Variants in LPIN1 observed in about 807,000 individuals in gnomAD.
The protein encoded by LPIN1 is phosphatidate phosphatase LPIN1.
LPIN1 carries 71 observed loss-of-function variants against 107.5 expected under a neutral mutation model. The ratio of observed to expected loss-of-function variants is 0.66; its 90% confidence interval spans 0.55 to 0.80. The LOEUF is 0.80. Ranked by LOEUF, LPIN1 falls within the 30% of genes least tolerant of loss-of-function variation. The pLI, the probability that LPIN1 is intolerant of heterozygous loss-of-function variation, is 0.00. For synonymous variants in LPIN1, 445 were observed against 452.6 expected (o/e 0.98, Z 0.21); for missense variants, 1,043 against 1,160.6 (o/e 0.90, Z 1.47).
intron 17 of LPIN1, among the ~76,000 whole-genome samples, chr2:11,806,005 C>T (rs1366420881): frequency 1.3e-5 from 2 of 152,202 alleles, no homozygotes; most frequent in African/African-American, 4.8e-5. Context: ...AAATCTCCCC[C>T]TCCACAGCAT....
At position 11,746,644 on chromosome 2, in the gene LPIN1, C is replaced by G. The variant is rs927861688; in HGVS notation, c.-37C>G. Reference sequence around the variant, plus strand: ...GGCGGCGGGCTGGGTGTTTGCAATACAAAGGCGGCCACGCGCGGCGCCGCT... The same window carrying G: ...GGCGGCGGGCTGGGTGTTTGCAATAGAAAGGCGGCCACGCGCGGCGCCGCT... On this transcript the variant is annotated 5_prime_UTR_variant, in exon 1 of 21. Coordinates refer to ENST00000674199, the MANE Select transcript of LPIN1 (RefSeq NM_001349206.2). 3.1e-5 allele frequency: 31 copies of G among 985,228 alleles called. No homozygotes were observed. The highest frequency in any genetic ancestry group is 3.6e-5 in the Non-Finnish European group (30 of 829,908). 61.0% of individuals were successfully genotyped at this position (985,228 alleles called of 1,614,324 possible).
intron 1 of LPIN1, among the ~76,000 whole-genome samples, chr2:11,731,942 T>A (rs111992763): frequency 4.6e-5 from 7 of 152,258 alleles, no homozygotes; most frequent in African/African-American, 1.7e-4. Flanking sequence ...TGCTTGTAAA[T>A]TTGTTTAAGT....
At chr2:11,778,645 C>T (rs145105843) in intron 6 of LPIN1, among the ~76,000 whole-genome samples, 12 of 152,300 alleles carry the variant, frequency 7.9e-5, no homozygotes, top group African/African-American at 2.9e-4. Flanking sequence ...AACCCTGCCG[C>T]CTTCCTCTAG....
chr2:11,700,452 TTCTC>T (rs796098266), intron 1 of LPIN1, among the ~76,000 whole-genome samples: 2 of 151,484 alleles, frequency 1.3e-5, no homozygotes, highest in East Asian at 3.9e-4. Flanking sequence ...ATTTCTCATT[TTCTC>T]TCTCTCTCTC....
intron 1 of LPIN1, among the ~76,000 whole-genome samples, chr2:11,739,942 T>C (rs1666170692): frequency 6.6e-6 from 1 of 152,200 alleles, no homozygotes; most frequent in Admixed American, 6.5e-5. Context: ...GAGATATAGA[T>C]AAATGAGAGG....
At chr2:11,777,461 T>G (rs1204699300) in intron 6 of LPIN1, 1 of 152,202 alleles carries the variant, frequency 6.6e-6, no homozygotes, top group Admixed American at 6.5e-5. Flanking sequence ...TGTTAGGAAC[T>G]CTGGAGTTGG....
chr2:11,778,037 C>T (rs1375172338), intron 6 of LPIN1, among the ~76,000 whole-genome samples: 4 of 152,188 alleles, frequency 2.6e-5, no homozygotes, highest in African/African-American at 9.6e-5. Context: ...TGACTGTAGA[C>T]GCTTCAGTGC....
At position 11,771,707 on chromosome 2, in the gene LPIN1, G is replaced by A. The variant is rs1271123342; in HGVS notation, c.596+28G>A. On this transcript the variant is annotated intron_variant, in intron 4 of 20. Coordinates refer to ENST00000674199, the MANE Select transcript of LPIN1 (RefSeq NM_001349206.2). This position sits in a 1 kb window ranked among gnomAD's most constrained non-coding sequence, Gnocchi z 4.8. ...AATAACTGTCCAGGGTGGAGGGGCT[G>A]TGCCAGAATCAGACAGTTAACTGTT... is the stretch of plus-strand genomic sequence containing the variant. The A allele has an allele frequency of 6.4e-7, 1 of 1,561,032 alleles. No individual in the cohort carries two copies. Among genetic ancestry groups the A allele is most frequent in the Non-Finnish European group, 8.7e-7 (1 of 1,149,790 alleles).
chr2:11,819,476 T>G lies in LPIN1; in HGVS notation c.2403-8T>G, dbSNP rs371725918. The stretch of plus-strand genomic sequence containing the variant: ...CTCATGTTAATCTGTTATTTATTTG[T>G]TTAACAGAGAAGTGATTGAAAAGAA... On this transcript the variant is annotated splice_region_variant and splice_polypyrimidine_tract_variant and intron_variant, in intron 18 of 20. Transcript: ENST00000674199. The G allele has an allele frequency of 6.5e-7, 1 of 1,532,500 alleles. No individual in the cohort carries two copies. Among genetic ancestry groups the G allele is most frequent in the Non-Finnish European group, 9.0e-7 (1 of 1,105,316 alleles). The allele number at this position is 1,532,500 out of a possible 1,614,324, so 94.9% of individuals were successfully genotyped here. A position where few individuals can be genotyped will look rare whatever the true frequency, so the allele number is the denominator to read the frequency against.
At chr2:11,801,950 A>T (rs1251591594) in intron 14 of LPIN1, among the ~76,000 whole-genome samples, 1 of 152,206 alleles carries the variant, frequency 6.6e-6, no homozygotes, top group East Asian at 1.9e-4. Flanking sequence ...ACAGTAAAAA[A>T]AAAATAAGCT....
At chr2:11,779,752 G>T in intron 7 of LPIN1, 107 bp downstream of exon 7, 1 of 1,385,124 alleles carries the variant, frequency 7.2e-7, no homozygotes, top group Admixed American at 1.8e-5. Context: ...CCAGGAGCCA[G>T]AGGTAAACCA....
At chr2:11,824,459 T>G (rs903585275) in intron 20 of LPIN1, among the ~76,000 whole-genome samples, 173 bp from the exon 21 acceptor site, 37 of 151,916 alleles carry the variant, frequency 2.4e-4, no homozygotes, top group African/African-American at 8.9e-4. Flanking sequence ...CTCTTCATTT[T>G]CATCTCTCAT....
intron 1 of LPIN1, among the ~76,000 whole-genome samples, chr2:11,706,887 G>A (rs80213177): frequency 0.042 from 6,401 of 152,236 alleles, 461 homozygotes; most frequent in African/African-American, 0.15. Context: ...AGGTTTCTGG[G>A]TGAATGTGCA....
chr2:11,821,366 A>G (rs78997802), intron 20 of LPIN1, among the ~76,000 whole-genome samples: 1 of 152,078 alleles, frequency 6.6e-6, no homozygotes, highest in Non-Finnish European at 1.5e-5. Context: ...AAAATAGAAA[A>G]ATTAGCCAGG....
chr2:11,772,230 G>A (rs547123478), intron 4 of LPIN1, among the ~76,000 whole-genome samples: 26 of 152,294 alleles, frequency 1.7e-4, no homozygotes, highest in African/African-American at 5.5e-4. Flanking sequence ...CTTGCCCGCC[G>A]CTCACCTCCT....
chr2:11,740,156 G>A (rs1666194555), intron 1 of LPIN1, among the ~76,000 whole-genome samples: 2 of 152,164 alleles, frequency 1.3e-5, no homozygotes, highest in Admixed American at 6.5e-5. Flanking sequence ...GCGGGAGAAG[G>A]AGGGTGTCCC....
chr2:11,790,016 C>T (rs1017082574), intron 12 of LPIN1, among the ~76,000 whole-genome samples: 5 of 152,104 alleles, frequency 3.3e-5, no homozygotes, highest in Admixed American at 3.3e-4. Flanking sequence ...GCCCTGCTTC[C>T]CCATTTCCAA....
intron 1 of LPIN1, chr2:11,677,738 G>A (rs751058683): frequency 1.8e-5 from 27 of 1,533,548 alleles, no homozygotes; most frequent in East Asian, 2.4e-5. Context: ...GGTAAGGGCC[G>A]GCCATGTGGC....
intron 1 of LPIN1, among the ~76,000 whole-genome samples, chr2:11,704,765 G>A (rs557484155): frequency 3.5e-4 from 53 of 152,234 alleles, no homozygotes; most frequent in African/African-American, 1.1e-3. Flanking sequence ...CTATCTCCCC[G>A]GGATCCCCTG....
Sources: gnomAD v4.1 joint callset for allele counts (sites outside exome capture counted in the v4.1 genomes callset) on GRCh38, gnomAD v4.1.1 for gene constraint, Gnocchi (gnomAD v3.1) non-coding constraint, MANE v1.5 for transcripts, NCBI Gene and HGNC (gene_info 2026-07-23, HGNC 2026-07-21) for gene names.